The following SPATA7 variants were observed in gnomAD, a reference collection of about 807,000 sequenced individuals.
SPATA7 encodes the protein spermatogenesis associated 7, also known as spermatogenesis-associated protein 7.
SPATA7 carries 43 observed loss-of-function variants against 51.8 expected under a neutral mutation model. The observed-to-expected ratio is 0.83, with a 90% confidence interval of 0.65 to 1.07. SPATA7 has a LOEUF of 1.07. Ranked by LOEUF, SPATA7 falls within the 50% of genes least tolerant of loss-of-function variation. The probability of loss-of-function intolerance (pLI) is 0.00; values close to 1 mark genes in which losing one functional copy is unlikely to be tolerated. For synonymous variants in SPATA7, 230 were observed against 252.8 expected (o/e 0.91, Z 0.86); for missense variants, 683 against 701.3 (o/e 0.97, Z 0.30).
At chr14:88,434,687 GA>G (rs552414869) in intron 10 of SPATA7, among the ~76,000 whole-genome samples, 1,901 of 56,898 alleles carry the variant, frequency 0.033, 34 homozygotes, top group African/African-American at 0.1. Flanking sequence ...CTCTGTCTCA[GA>G]AAAAAAAAAA....
At chr14:88,401,112 A>G (rs1166432237) in intron 4 of SPATA7, among the ~76,000 whole-genome samples, 2 of 152,212 alleles carry the variant, frequency 1.3e-5, no homozygotes. Context: ...AATACCAGCA[A>G]ACTGAATTCA....
At chr14:88,443,452 T>C (rs1471815944), downstream of SPATA7, among the ~76,000 whole-genome samples, 1 of 151,826 alleles carries the variant, frequency 6.6e-6, no homozygotes, top group Non-Finnish European at 1.5e-5. Flanking sequence ...TCGGTTGTAA[T>C]ATGTCCTGCT....
intron 3 of SPATA7, among the ~76,000 whole-genome samples, chr14:88,452,081 T>A (rs2077255070): frequency 6.6e-6 from 1 of 152,204 alleles, no homozygotes; most frequent in Non-Finnish European, 1.5e-5. Context: ...ACTCAAGGGC[T>A]GCTGTTCAGA....
chr14:88,429,430 T>C lies in SPATA7; in HGVS notation c.995T>C (p.Ile332Thr), dbSNP rs534658921. Reference sequence around the variant, plus strand: ...GGGCATGACTCAACATGGGATGAGATTAAGGATGATGCTCTTCAGCATTCC... The same window carrying C: ...GGGCATGACTCAACATGGGATGAGACTAAGGATGATGCTCTTCAGCATTCC... Reference protein sequence around the residue: ...LEGHDSTWDEIKDDALQHSSP... With the variant: ...LEGHDSTWDETKDDALQHSSP... Residue 332 changes from isoleucine (I) to threonine (T), a missense_variant, in exon 8 of 12, where the codon ATT (isoleucine) becomes ACT (threonine). Coordinates refer to ENST00000393545, the MANE Select transcript of SPATA7 (RefSeq NM_018418.5). 1.9e-5 allele frequency: 30 copies of C among 1,612,436 alleles called. No homozygotes were observed. In the East Asian group the frequency reaches 4.5e-4, roughly 24 times the overall value.
intron 4 of SPATA7, among the ~76,000 whole-genome samples, chr14:88,409,101 AG>A (rs1197310367): frequency 6.6e-6 from 1 of 151,958 alleles, no homozygotes; most frequent in Non-Finnish European, 1.5e-5. Context: ...GTTTGGTATC[AG>A]GATGATGCAA....
intron 1 of SPATA7, among the ~76,000 whole-genome samples, chr14:88,390,364 T>C (rs1245520800): frequency 6.6e-6 from 1 of 152,098 alleles, no homozygotes; most frequent in African/African-American, 2.4e-5. Flanking sequence ...GCTTTCTATC[T>C]TGGTTCCACT....
At chr14:88,396,871 T>C (rs1566751540) in intron 4 of SPATA7, among the ~76,000 whole-genome samples, 12 of 99,528 alleles carry the variant, frequency 1.2e-4, no homozygotes, top group Non-Finnish European at 2.5e-4. Flanking sequence ...TTCTTTTCTT[T>C]TTTCTTTTTT....
chr14:88,409,647 G>T (rs948631798), intron 4 of SPATA7, among the ~76,000 whole-genome samples: 3 of 151,940 alleles, frequency 2.0e-5, no homozygotes, highest in Non-Finnish European at 4.4e-5. Context: ...GAGTTAGTTT[G>T]CTCTCGCTCC....
In SPATA7 at chr14:88,435,909, G is replaced by A. The variant is rs573753946; in HGVS notation, c.1161-1634G>A. On this transcript the variant is annotated intron_variant, in intron 10 of 11. Coordinates refer to ENST00000393545, the MANE Select transcript of SPATA7 (RefSeq NM_018418.5). ...AACATAAGAGTGCAGGTATCTCTTC[G>A]ATATCCTGACTTACTTCCTTTTGGG... 3.8e-4 allele frequency among the ~76,000 whole-genome samples: 58 copies of A among 152,102 alleles called. 1 individual carries two copies. The South Asian group carries it at 9.8e-3, about 26-fold the overall frequency.
rs185459765 is a variant in SPATA7 at position 88,429,334 on chromosome 14, T to A, written c.913-14T>A. 330 of 1,498,820 alleles carry A rather than the reference T, an allele frequency of 2.2e-4. 1 individual carries two copies. In the East Asian group the frequency reaches 6.8e-3, roughly 31 times the overall value. 92.8% of individuals were successfully genotyped at this position (1,498,820 alleles called of 1,614,324 possible). On this transcript the variant is annotated splice_polypyrimidine_tract_variant and intron_variant, in intron 7 of 11. Coordinates refer to ENST00000393545, the MANE Select transcript of SPATA7 (RefSeq NM_018418.5). ...TTTAAGCAAAAATAAATATTTTTTTTATTGCATCCCCAGGCATCTAATTGT... is the reference window on the plus strand; with the variant it reads ...TTTAAGCAAAAATAAATATTTTTTTAATTGCATCCCCAGGCATCTAATTGT...
chr14:88,439,519 C>A (rs1449963950), downstream of SPATA7, among the ~76,000 whole-genome samples: 1 of 151,950 alleles, frequency 6.6e-6, no homozygotes, highest in African/African-American at 2.4e-5. Flanking sequence ...AAACAATAAC[C>A]CATTTTGTTT....
intron 3 of SPATA7, among the ~76,000 whole-genome samples, chr14:88,452,154 T>C (rs1365965379): frequency 2.6e-5 from 4 of 152,186 alleles, no homozygotes; most frequent in Non-Finnish European, 5.9e-5. Context: ...AGGGATGGCA[T>C]GTCTTGAGAG....
At chr14:88,445,018 G>A (rs998949473) in intron 3 of SPATA7, among the ~76,000 whole-genome samples, 6 of 151,994 alleles carry the variant, frequency 3.9e-5, no homozygotes, top group African/African-American at 1.5e-4. Context: ...CCAGTTCTGT[G>A]AAGAAAGTCA....
At chr14:88,401,836 CAAAAAAAAAA>C (rs57942112) in intron 4 of SPATA7, among the ~76,000 whole-genome samples, 4 of 33,222 alleles carry the variant, frequency 1.2e-4, no homozygotes, top group Admixed American at 4.0e-4. Flanking sequence ...GACCCTGTCT[CAAAAAAAAAA>C]AAAAAAAAAA....
rs1264630509 is a variant in SPATA7, at chr14:88,416,751, A to G, written c.279A>G (p.Leu93=). ...GAAGAGAGAAACTCAAAAAGGAATT[A>G]GCACAATGTGAAAAAGAGTTCAAAT... ...QQRREKLKKE[L]AQCEKEFKLT... is the part of the protein sequence containing the mutation. Residue 93 remains leucine, a synonymous_variant, in exon 5 of 12, where the codon TTA becomes TTG. Coordinates refer to ENST00000393545, the MANE Select transcript of SPATA7 (RefSeq NM_018418.5). 3 of 1,613,426 alleles carry G rather than the reference A, an allele frequency of 1.9e-6. No individual in the cohort carries two copies. Among genetic ancestry groups the G allele is most frequent in the South Asian group, 2.2e-5 (2 of 91,018 alleles).
At chr14:88,442,065 C>T (rs2077181915), downstream of SPATA7, among the ~76,000 whole-genome samples, 1 of 152,174 alleles carries the variant, frequency 6.6e-6, no homozygotes, top group Non-Finnish European at 1.5e-5. Flanking sequence ...ACGTGGCTTA[C>T]CAATTGTCCC....
chr14:88,446,639 C>G (rs1170184119), intron 3 of SPATA7, among the ~76,000 whole-genome samples: 1 of 152,062 alleles, frequency 6.6e-6, no homozygotes, highest in Non-Finnish European at 1.5e-5. Context: ...AAATTTCCCT[C>G]TACACACTGC....
chr14:88,395,045 C>G (rs1436139975), intron 3 of SPATA7, among the ~76,000 whole-genome samples: 1 of 151,620 alleles, frequency 6.6e-6, no homozygotes, highest in African/African-American at 2.4e-5. Flanking sequence ...TATTTTTTTC[C>G]CAATCTGTAG....
downstream of SPATA7, among the ~76,000 whole-genome samples, chr14:88,439,246 C>T (rs776306669): frequency 5.2e-4 from 79 of 152,222 alleles, no homozygotes; most frequent in Admixed American, 9.2e-4. Flanking sequence ...TCTAAAGCCT[C>T]AAGGACCTTT....
Sources: gnomAD v4.1 joint callset for allele counts (sites outside exome capture counted in the v4.1 genomes callset) on GRCh38, gnomAD v4.1.1 for gene constraint, MANE v1.5 for transcripts, NCBI Gene and HGNC (gene_info 2026-07-23, HGNC 2026-07-21) for gene names.